CALY: variants seen among roughly 807,000 people sequenced by gnomAD.
The protein encoded by CALY is neuron-specific vesicular protein calcyon.
CALY carries 15 observed loss-of-function variants against 20.2 expected under a neutral mutation model. The observed-to-expected ratio is 0.74, with a 90% CI of 0.50 to 1.14. The LOEUF (loss-of-function observed/expected upper bound fraction) is 1.14, where lower values mean the gene tolerates loss of function less well. CALY is among the 50% of genes most tolerant of loss of function. CALY has a pLI of 0.00. For missense variants in CALY, 270 were observed against 304.4 expected (o/e 0.89, Z 0.84); for synonymous variants, 129 against 131.8 (o/e 0.98, Z 0.15).
chr10:133,327,890 G>A lies in CALY; in HGVS notation c.246+15C>T, dbSNP rs759082525. 1.1e-5 allele frequency: 17 copies of A among 1,546,090 alleles called. No homozygotes were observed. In the East Asian group the frequency reaches 3.8e-4, roughly 35 times the overall value. Reference sequence around the variant, plus strand: ...TGTCCTGAGTCCCCACAGTGGGTGGGGTGGGTGTGGTTACCCTGCGCCCTT... The same window carrying A: ...TGTCCTGAGTCCCCACAGTGGGTGGAGTGGGTGTGGTTACCCTGCGCCCTT... On this transcript the variant is annotated intron_variant, in intron 3 of 5. Transcript: ENST00000252939.
intron 4 of CALY, among the ~76,000 whole-genome samples, chr10:133,326,584 T>A (rs1446627120): frequency 1.3e-5 from 2 of 151,986 alleles, no homozygotes; most frequent in South Asian, 2.1e-4. Flanking sequence ...AAATAAAACC[T>A]CACACAAGTC....
rs1240262711 is a variant in CALY, at chr10:133,325,836, G to A, written c.645C>T (p.Pro215=). 3 of 1,223,324 alleles carry A rather than the reference G, an allele frequency of 2.5e-6. No individual in the cohort carries two copies. Among genetic ancestry groups the A allele is most frequent in the Non-Finnish European group, 3.1e-6 (3 of 983,064 alleles). The allele number at this position is 1,223,324 out of a possible 1,614,324, so 75.8% of individuals were successfully genotyped here. ...RKAAGSAAPP[P]AQ is the part of the protein sequence containing the mutation. ...TGCGGGGCTGGAGACGTCACTGCGCGGGCGGGGGCGCCGCGCTCCCGGCCG... is the reference window on the plus strand; with the variant it reads ...TGCGGGGCTGGAGACGTCACTGCGCAGGCGGGGGCGCCGCGCTCCCGGCCG... Residue 215 remains proline (P), a synonymous_variant, in exon 5 of 6, where the codon CCC becomes CCT. Transcript: ENST00000252939.
At chr10:133,328,063 C>A in intron 2 of CALY, 48 bp from the exon 3 acceptor site, 1 of 1,217,642 alleles carries the variant, frequency 8.2e-7, no homozygotes, top group South Asian at 1.3e-5. Flanking sequence ...GGCAGGGACC[C>A]AAGAGAGCCC....
intron 3 of CALY, 112 bp from the exon 4 acceptor site, chr10:133,327,103 C>A: frequency 1.4e-6 from 1 of 734,878 alleles, no homozygotes; most frequent in Admixed American, 2.1e-5. Context: ...AGTCTTGATG[C>A]CCCACCCCCG....
intron 5 of CALY, 84 bp downstream of exon 5, chr10:133,325,715 G>T: frequency 1.7e-6 from 1 of 578,970 alleles, no homozygotes; most frequent in Non-Finnish European, 2.5e-6. Context: ...GAAGGGTGGC[G>T]GGGGTCTTTG....
Position 133,326,126 on chromosome 10 carries a change from G to A in CALY, c.361-6C>T, listed in dbSNP as rs777271700. On this transcript the variant is annotated splice_region_variant and splice_polypyrimidine_tract_variant and intron_variant, in intron 4 of 5. Transcript: ENST00000252939. ...AGCGGCGTGCAGATCTTGTGCTGCGGGAGGGGCCGGGTCAGGGTCGGTGGG... is the reference window on the plus strand; with the variant it reads ...AGCGGCGTGCAGATCTTGTGCTGCGAGAGGGGCCGGGTCAGGGTCGGTGGG... The A allele has an allele frequency of 2.4e-5, 39 of 1,593,440 alleles. No individual in the cohort carries two copies. Among genetic ancestry groups the A allele is most frequent in the Non-Finnish European group, 3.3e-5 (39 of 1,166,792 alleles).
intron 1 of CALY, among the ~76,000 whole-genome samples, chr10:133,334,525 C>G (rs1249237097): frequency 7.4e-5 from 3 of 40,414 alleles, no homozygotes; most frequent in African/African-American, 3.3e-4. Context: ...AGGATCTGAG[C>G]GGGGAAGGCT....
chr10:133,327,083 C>T, intron 3 of CALY, 92 bp from the exon 4 acceptor site: 1 of 860,162 alleles, frequency 1.2e-6, no homozygotes, highest in Non-Finnish European at 1.9e-6. Context: ...CAGGACCATC[C>T]CCGCCCTCCA....
chr10:133,333,438 A>T (rs1356582231), intron 1 of CALY, among the ~76,000 whole-genome samples: 1 of 140,374 alleles, frequency 7.1e-6, no homozygotes, highest in South Asian at 2.4e-4. Context: ...AAGGGACCCC[A>T]ACGGGGTGCG....
At chr10:133,334,040 C>T (rs374083213) in intron 1 of CALY, among the ~76,000 whole-genome samples, 48 of 20,626 alleles carry the variant, frequency 2.3e-3, no homozygotes, top group Non-Finnish European at 2.4e-3. Context: ...AGGATCTGAG[C>T]GGGGAAGGCT....
At chr10:133,329,823 G>A (rs1193085435) in intron 1 of CALY, among the ~76,000 whole-genome samples, 2 of 151,688 alleles carry the variant, frequency 1.3e-5, no homozygotes, top group Non-Finnish European at 2.9e-5. Context: ...CACGCAATAC[G>A]CGGTATGGGA....
chr10:133,324,487 G>A lies in CALY; in HGVS notation c.*1108C>T. ...GGGCTGGGGTGGGCGGGGCTGCAGA[G>A]CCGCTGCTGGCTGGGGTGGGCGGGG... On this transcript the variant is annotated 3_prime_UTR_variant, in exon 6 of 6. Transcript: ENST00000252939. The A allele has an allele frequency of 2.3e-6, 1 of 440,258 alleles. No homozygotes were observed. Among genetic ancestry groups the A allele is most frequent in the Non-Finnish European group, 4.6e-6 (1 of 219,022 alleles). The allele number at this position is 440,258 out of a possible 1,614,324, so 27.3% of individuals were successfully genotyped here. A position where few individuals can be genotyped will look rare whatever the true frequency, so the allele number is the denominator to read the frequency against.
intron 4 of CALY, among the ~76,000 whole-genome samples, chr10:133,326,649 C>T (rs945648647): frequency 6.6e-6 from 1 of 152,172 alleles, no homozygotes; most frequent in African/African-American, 2.4e-5. Flanking sequence ...CCTTTTCTGC[C>T]TCATCTTTTT....
At position 133,326,835 on chromosome 10, in the gene CALY, A is replaced by AG. The variant is rs537568810; in HGVS notation, c.360+42dup. Reference sequence around the variant, plus strand: ...CCCCCTGCCTGGAGGCTACGGGAGGAGGGGCGGCTCTACACCCCCCACCAG... The same window carrying AG: ...CCCCCTGCCTGGAGGCTACGGGAGGAGGGGGCGGCTCTACACCCCCCACCAG... On this transcript the variant is annotated intron_variant, in intron 4 of 5. Coordinates refer to ENST00000252939, the MANE Select transcript of CALY (RefSeq NM_015722.4). 6.3e-5 allele frequency: 84 copies of AG among 1,323,046 alleles called. 1 individual carries two copies. The South Asian group carries it at 1.0e-3, about 16-fold the overall frequency. 82.0% of individuals were successfully genotyped at this position (1,323,046 alleles called of 1,614,324 possible).
At chr10:133,329,392 C>CTTCTTCT (rs549430070) in intron 1 of CALY, among the ~76,000 whole-genome samples, 17 of 137,430 alleles carry the variant, frequency 1.2e-4, no homozygotes, top group African/African-American at 3.5e-4. Context: ...TCTTCTTCTT[C>CTTCTTCT]TTTTTTTTTT....
chr10:133,326,015 TGCG>T lies in CALY; in HGVS notation c.463_465del (p.Arg155del). On this transcript the variant is annotated inframe_deletion, in exon 5 of 6. Coordinates refer to ENST00000252939, the MANE Select transcript of CALY (RefSeq NM_015722.4). ...GCCGCCGGCGTCTCCGTGCCGTGCT[TGCG>T]GCTCAGCGGGTAGGCCCCGATGGCC... is the stretch of plus-strand genomic sequence containing the variant. The T allele has an allele frequency of 6.3e-7, 1 of 1,583,156 alleles. No individual in the cohort carries two copies. Among genetic ancestry groups the T allele is most frequent in the Non-Finnish European group, 8.6e-7 (1 of 1,164,984 alleles).
intron 1 of CALY, among the ~76,000 whole-genome samples, chr10:133,333,291 G>A (rs1403299525): frequency 4.0e-3 from 141 of 35,516 alleles, no homozygotes; most frequent in Non-Finnish European, 6.4e-3. Flanking sequence ...GATTGAGGGG[G>A]TGGGGGGGGG....
chr10:133,331,184 C>G (rs1243903877), intron 1 of CALY, among the ~76,000 whole-genome samples: 1 of 152,188 alleles, frequency 6.6e-6, no homozygotes, highest in Non-Finnish European at 1.5e-5. Flanking sequence ...CAGTGAACCA[C>G]TAAATCCCCA....
chr10:133,332,142 A>G (rs1848320204), intron 1 of CALY, among the ~76,000 whole-genome samples: 1 of 147,832 alleles, frequency 6.8e-6, no homozygotes, highest in Admixed American at 6.8e-5. Flanking sequence ...AAAAAAAAAA[A>G]AGAACATGGA....
Sources: allele counts gnomAD v4.1 joint callset (sites outside exome capture counted in the v4.1 genomes callset), GRCh38; gene constraint gnomAD v4.1.1; transcripts MANE v1.5; gene names NCBI Gene and HGNC (gene_info 2026-07-23, HGNC 2026-07-21).